Variants in PER2 observed in about 807,000 individuals in gnomAD.
PER2 encodes period circadian protein homolog 2.
PER2 carries 66 observed loss-of-function variants against 121.0 expected under a neutral mutation model. That is an observed-to-expected ratio of 0.55 (90% CI 0.45 to 0.67). The LOEUF (loss-of-function observed/expected upper bound fraction) is 0.67, where lower values mean the gene tolerates loss of function less well. PER2 is among the 30% of genes least tolerant of loss of function. The pLI is 0.00. For synonymous variants in PER2, 684 were observed against 659.9 expected (o/e 1.04, Z -0.56); for missense variants, 1,521 against 1,635.0 (o/e 0.93, Z 1.20).
intron 14 of PER2, 31 bp downstream of exon 14, chr2:238,259,938 G>A: frequency 9.7e-7 from 1 of 1,031,658 alleles, no homozygotes; most frequent in Non-Finnish European, 1.5e-6. Context: ...TCTAGTTTCA[G>A]TAAGGAAATG....
At position 238,250,674 on chromosome 2, in the gene PER2, G is replaced by C; in HGVS notation, c.3344C>G (p.Ala1115Gly). Residue 1115 changes from alanine to glycine, a missense_variant, in exon 21 of 23, where the codon GCA (alanine) becomes GGA (glycine). Transcript: ENST00000254657. ...SIDSSENNHK[A>G]KMNTGMEESE... ...TTCTTCCATACCAGTGTTCATTTTT[G>C]CTTTGTGATTATTCTCTGAGGAGTC... The C allele has an allele frequency of 6.2e-7, 1 of 1,613,190 alleles. No homozygotes were observed.
intron 1 of PER2, among the ~76,000 whole-genome samples, chr2:238,280,211 AAGCT>A (rs765991169): frequency 3.9e-5 from 6 of 152,208 alleles, no homozygotes; most frequent in Non-Finnish European, 1.5e-5. Context: ...CTGAATGGCT[AAGCT>A]CCAACAAGAG....
At chr2:238,278,041 CTT>C in intron 1 of PER2, 86 bp from the exon 2 acceptor site, 2 of 1,373,440 alleles carry the variant, frequency 1.5e-6, no homozygotes, top group East Asian at 5.0e-5. Context: ...CCATTTGACT[CTT>C]TCTGTTACTA....
chr2:238,282,253 C>G (rs1053577660), intron 1 of PER2, among the ~76,000 whole-genome samples: 7 of 152,212 alleles, frequency 4.6e-5, no homozygotes, highest in African/African-American at 1.4e-4. Flanking sequence ...GTGCCCACAG[C>G]CCTCTTCTTG....
In PER2 at chr2:238,246,461, G is replaced by C. The variant is rs769007450; in HGVS notation, c.3682C>G (p.Pro1228Ala). The change falls in exon 23 of 23, where the codon CCT (proline) becomes GCT (alanine). Residue 1228 changes from proline (P) to alanine (A), a missense_variant. By Grantham distance (27) the Pro-to-Ala change is conservative. Transcript: ENST00000254657. Reference protein sequence around the residue: ...NICIPYEEDIPSLGLSEVSDT... With the variant: ...NICIPYEEDIASLGLSEVSDT... ...GACACTTCGCTGAGTCCCAGAGAAG[G>C]AATATCTTCCTCATATGGTATGCAA... The C allele has an allele frequency of 2.1e-5, 33 of 1,595,468 alleles. No individual in the cohort carries two copies. In the East Asian group the frequency reaches 7.1e-4, roughly 35 times the overall value.
chr2:238,272,745 GTCACCAAGTGTGTCTCC>G (rs1314647980), intron 5 of PER2, among the ~76,000 whole-genome samples: 1 of 152,210 alleles, frequency 6.6e-6, no homozygotes, highest in Non-Finnish European at 1.5e-5. Flanking sequence ...TGAACTGACT[GTCACCAAGTGTGTCTCC>G]TCACCTCGAG....
In PER2 at chr2:238,259,851, G is replaced by C. The variant is rs950696335; in HGVS notation, c.1627+118C>G. The stretch of plus-strand genomic sequence containing the variant: ...CTGTGCTGAACGCAGAAGGGGGTGT[G>C]ACACGGCTACAAGGTAGACTCCCTG... On this transcript the variant is annotated intron_variant, in intron 14 of 22. Transcript: ENST00000254657. 3 of 668,442 alleles carry C rather than the reference G, an allele frequency of 4.5e-6. No homozygotes were observed. The African/African-American group carries it at 5.4e-5, about 12-fold the overall frequency. The allele number at this position is 668,442 out of a possible 1,614,324, so 41.4% of individuals were successfully genotyped here.
In PER2 at chr2:238,246,529, A is replaced by G. The variant is rs1559319719; in HGVS notation, c.3619-5T>C. On this transcript the variant is annotated splice_region_variant and splice_polypyrimidine_tract_variant and intron_variant, in intron 22 of 22. Coordinates refer to ENST00000254657, the MANE Select transcript of PER2 (RefSeq NM_022817.3). ...GTTTTCACAGTAAACACATTCCTTAAAAGAAAAAAAAAGAGAAATCAGTAA... is the reference window on the plus strand; with the variant it reads ...GTTTTCACAGTAAACACATTCCTTAGAAGAAAAAAAAAGAGAAATCAGTAA... The G allele has an allele frequency of 6.5e-7, 1 of 1,539,074 alleles. No homozygotes were observed. Among genetic ancestry groups the G allele is most frequent in the Non-Finnish European group, 9.0e-7 (1 of 1,112,838 alleles).
chr2:238,255,914 G>GT lies in PER2; in HGVS notation c.2066-4dup, dbSNP rs752954834. 6.2e-7 allele frequency: 1 copy of GT among 1,614,158 alleles called. No homozygotes were observed. The highest frequency in any genetic ancestry group is 1.3e-5 in the African/African-American group (1 of 75,050). On this transcript the variant is annotated splice_polypyrimidine_tract_variant and splice_region_variant and intron_variant, in intron 17 of 22. Transcript: ENST00000254657. ...ACTCGCAGCATCTTCCACCATCTCT[G>GT]TAACACAAGAACCCAGGGCTCTGGT... is the stretch of plus-strand genomic sequence containing the variant.
chr2:238,255,578 A>ATT, intron 18 of PER2, 79 bp downstream of exon 18: 1 of 1,426,292 alleles, frequency 7.0e-7, no homozygotes, highest in Non-Finnish European at 9.9e-7. Flanking sequence ...CACATTTCAC[A>ATT]TTTTGAAACC....
At chr2:238,286,242 T>C (rs1220454230) in intron 1 of PER2, among the ~76,000 whole-genome samples, 1 of 152,126 alleles carries the variant, frequency 6.6e-6, no homozygotes. Context: ...CCTGGTTTCT[T>C]AAAGAGTGGA....
Position 238,256,951 on chromosome 2 carries a change from A to T in PER2, c.2036T>A (p.Val679Glu). The T allele has an allele frequency of 1.2e-6, 2 of 1,614,122 alleles. No homozygotes were observed. Among genetic ancestry groups the T allele is most frequent in the African/African-American group, 2.7e-5 (2 of 75,042 alleles). The stretch of plus-strand genomic sequence containing the variant: ...CTCCGGCTGCGGCTTCTTGTCTCCC[A>T]CATGGACGATGGTGCTGCTGTAGCT... ...QCSYSSTIVH[V>E]GDKKPQPELE... The change falls in exon 17 of 23, where the codon GTG becomes GAG. Residue 679 changes from valine to glutamate, a missense_variant. Physicochemically the swap from Val to Glu is moderately radical, Grantham distance 121. Coordinates refer to ENST00000254657, the MANE Select transcript of PER2 (RefSeq NM_022817.3).
intron 1 of PER2, among the ~76,000 whole-genome samples, chr2:238,278,409 A>G (rs1347540378): frequency 6.6e-6 from 1 of 152,202 alleles, no homozygotes; most frequent in Non-Finnish European, 1.5e-5. Flanking sequence ...ACGTTAGTTC[A>G]TCACATTACT....
At position 238,265,537 on chromosome 2, in the gene PER2, A is replaced by C; in HGVS notation, c.1021T>G (p.Cys341Gly). ...CTTTCATCCACATCCTGGAACAAAC[A>C]ATTTGGTGTATGGGTGGTTGTAAAA... ...RIFTTTHTPN[C>G]LFQDVDERAV... is the part of the protein sequence containing the mutation. Residue 341 changes from cysteine (C) to glycine (G), a missense_variant, in exon 9 of 23, where the codon TGT becomes GGT. Physicochemically the swap from Cys to Gly is radical, Grantham distance 159. Coordinates refer to ENST00000254657, the MANE Select transcript of PER2 (RefSeq NM_022817.3). 2 of 1,611,876 alleles carry C rather than the reference A, an allele frequency of 1.2e-6. No homozygotes were observed. The highest frequency in any genetic ancestry group is 2.2e-5 in the South Asian group (2 of 91,058).
At chr2:238,282,586 AAAT>A (rs1448586526) in intron 1 of PER2, among the ~76,000 whole-genome samples, 1 of 152,206 alleles carries the variant, frequency 6.6e-6, no homozygotes, top group Non-Finnish European at 1.5e-5. Flanking sequence ...CAAGAACAAT[AAAT>A]AACAACAACA....
chr2:238,286,565 T>G (rs766618079), intron 1 of PER2, among the ~76,000 whole-genome samples: 16 of 152,258 alleles, frequency 1.1e-4, no homozygotes, highest in Non-Finnish European at 1.9e-4. Context: ...TAATTCTCCC[T>G]TGGTTCCCAA....
intron 22 of PER2, among the ~76,000 whole-genome samples, chr2:238,248,092 G>C (rs1347517183): frequency 6.6e-6 from 1 of 152,204 alleles, no homozygotes; most frequent in Non-Finnish European, 1.5e-5. Flanking sequence ...GGGGAAAAGA[G>C]GTGCAGACAC....
rs1346330151 is a variant in PER2, at chr2:238,250,672, T to C, written c.3346A>G (p.Lys1116Glu). The C allele has an allele frequency of 1.2e-6, 2 of 1,613,506 alleles. No homozygotes were observed. Among genetic ancestry groups the C allele is most frequent in the East Asian group, 2.2e-5 (1 of 44,900 alleles). Residue 1116 changes from lysine (K) to glutamate (E), a missense_variant, in exon 21 of 23, where the codon AAA becomes GAA. Transcript: ENST00000254657. The part of the protein sequence containing the change: ...IDSSENNHKA[K>E]MNTGMEESEH... ...CTTTCTTCCATACCAGTGTTCATTT[T>C]TGCTTTGTGATTATTCTCTGAGGAG...
chr2:238,252,795 G>C lies in PER2; in HGVS notation c.3111+117C>G, dbSNP rs767650314. On this transcript the variant is annotated intron_variant, in intron 19 of 22. Coordinates refer to ENST00000254657, the MANE Select transcript of PER2 (RefSeq NM_022817.3). This position sits in a 1 kb window ranked among gnomAD's most constrained non-coding sequence, Gnocchi z 4.2. ...CACACATTCATGGCAAAACCTACAG[G>C]GTTTGGTGGAAACCTCAATCGTGTA... 212 of 898,326 alleles carry C rather than the reference G, an allele frequency of 2.4e-4. No homozygotes were observed. The highest frequency in any genetic ancestry group is 3.0e-5 in the Non-Finnish European group (16 of 539,848). The allele number at this position is 898,326 out of a possible 1,614,324, so 55.6% of individuals were successfully genotyped here.
Sources: gnomAD v4.1 joint callset for allele counts (sites outside exome capture counted in the v4.1 genomes callset) on GRCh38, gnomAD v4.1.1 for gene constraint, Gnocchi (gnomAD v3.1) non-coding constraint, MANE v1.5 for transcripts, NCBI Gene and HGNC (gene_info 2026-07-23, HGNC 2026-07-21) for gene names.